The following IFI16 variants were observed in gnomAD, a reference collection of about 807,000 sequenced individuals.
IFI16 encodes the protein interferon gamma inducible protein 16, also known as gamma-interferon-inducible protein 16.
A neutral mutation model predicts 68.4 loss-of-function variants in IFI16; 49 were observed. The ratio of observed to expected loss-of-function variants is 0.72; its 90% CI spans 0.57 to 0.91. The LOEUF is 0.91. Ranked by LOEUF, IFI16 falls within the 40% of genes least tolerant of loss-of-function variation. The probability of loss-of-function intolerance (pLI) is 0.00; values close to 1 mark genes in which losing one functional copy is unlikely to be tolerated. For synonymous variants in IFI16, 307 were observed against 315.0 expected (o/e 0.97, Z 0.27); for missense variants, 878 against 942.9 (o/e 0.93, Z 0.90).
At chr1:159,019,258 T>TAAC (rs1553207127) in intron 5 of IFI16, among the ~76,000 whole-genome samples, 1,985 of 108,798 alleles carry the variant, frequency 0.018, 42 homozygotes, top group African/African-American at 0.11. Context: ...TATATATAAA[T>TAAC]AACAAAAAAA....
chr1:159,053,866 C>A, intron 11 of IFI16, 142 bp downstream of exon 11: 1 of 526,174 alleles, frequency 1.9e-6, no homozygotes. Flanking sequence ...TGTAAACTTC[C>A]CACCATTGTT....
intron 7 of IFI16, among the ~76,000 whole-genome samples, chr1:159,036,466 T>C (rs1302746504): frequency 6.6e-6 from 1 of 152,230 alleles, no homozygotes; most frequent in Non-Finnish European, 1.5e-5. Flanking sequence ...TTACTCAAGC[T>C]GATAATGATT....
At chr1:159,040,779 C>T (rs1327762950) in intron 7 of IFI16, among the ~76,000 whole-genome samples, 1 of 152,126 alleles carries the variant, frequency 6.6e-6, no homozygotes, top group Admixed American at 6.5e-5. Flanking sequence ...AACTTATTAG[C>T]TATGTATATT....
At chr1:159,035,733 A>G (rs1476691856) in intron 7 of IFI16, among the ~76,000 whole-genome samples, 2 of 136,584 alleles carry the variant, frequency 1.5e-5, no homozygotes, top group African/African-American at 5.5e-5. Flanking sequence ...GATTTAAAAC[A>G]AACAGGCTAT....
chr1:159,034,713 A>AGTTGG (rs1557874477), intron 7 of IFI16, among the ~76,000 whole-genome samples: 59 of 152,224 alleles, frequency 3.9e-4, no homozygotes, highest in African/African-American at 1.4e-3. Flanking sequence ...AGATCCTCCC[A>AGTTGG]TAGTTGGTTC....
At chr1:159,010,796 G>A (rs1652501824) in intron 1 of IFI16, among the ~76,000 whole-genome samples, 1 of 152,140 alleles carries the variant, frequency 6.6e-6, no homozygotes, top group East Asian at 1.9e-4. Flanking sequence ...CTGCCCTCCT[G>A]AAAGTTAATG....
chr1:159,023,260 A>T (rs967845787), intron 6 of IFI16, among the ~76,000 whole-genome samples: 1 of 152,206 alleles, frequency 6.6e-6, no homozygotes, highest in South Asian at 2.1e-4. Flanking sequence ...TATTAGGAAT[A>T]AAGGTATAAC....
Position 159,018,629 on chromosome 1 carries a change from A to G in IFI16, c.950A>G (p.Tyr317Cys). Residue 317 changes from tyrosine to cysteine, a missense_variant, in exon 5 of 12, where the codon TAT becomes TGT. Coordinates refer to ENST00000295809, the MANE Select transcript of IFI16 (RefSeq NM_001376587.1). ...LHKQASGNIV[Y>C]GVFMLHKKTV... The stretch of plus-strand genomic sequence containing the variant: ...AAACAAGCTTCAGGAAATATTGTAT[A>G]TGGGGTATTTATGCTACATAAGGTA... 1 of 1,611,070 alleles carries G rather than the reference A, an allele frequency of 6.2e-7. No individual in the cohort carries two copies. Among genetic ancestry groups the G allele is most frequent in the Admixed American group, 1.7e-5 (1 of 59,456 alleles).
chr1:159,036,178 G>A (rs1455555532), intron 7 of IFI16, among the ~76,000 whole-genome samples: 3 of 152,156 alleles, frequency 2.0e-5, no homozygotes, highest in Non-Finnish European at 4.4e-5. Context: ...CTAGGTGCTG[G>A]TTTTAAAACC....
At chr1:158,999,987 G>T (rs938132603) in exon 1 of IFI16, 3 of 152,778 alleles carry the variant, frequency 2.0e-5, no homozygotes, top group Middle Eastern at 2.7e-3. Flanking sequence ...TGCATTCCCA[G>T]AAATGCCATG....
chr1:159,050,998 T>A (rs572528184), intron 9 of IFI16, among the ~76,000 whole-genome samples: 1 of 152,200 alleles, frequency 6.6e-6, no homozygotes, highest in Admixed American at 6.5e-5. Flanking sequence ...AAATCTAAGG[T>A]TTGTGGTTGA....
rs181499768 is a variant in IFI16, at chr1:159,026,024, G to A, written c.1161+5495G>A. Among the ~76,000 whole-genome samples, 25 of 152,208 alleles carry A rather than the reference G, an allele frequency of 1.6e-4. No homozygotes were observed. In the East Asian group the frequency reaches 4.8e-3, roughly 29 times the overall value. Reference sequence around the variant, plus strand: ...TTGGGTTCTCTATTCTGTTCCATTGGTCTATATGCCTATTTTTATACCCAG... The same window carrying A: ...TTGGGTTCTCTATTCTGTTCCATTGATCTATATGCCTATTTTTATACCCAG... On this transcript the variant is annotated intron_variant, in intron 6 of 11. Transcript: ENST00000295809.
At chr1:159,042,439 T>C (rs572950034) in intron 7 of IFI16, among the ~76,000 whole-genome samples, 4 of 152,334 alleles carry the variant, frequency 2.6e-5, no homozygotes, top group African/African-American at 9.6e-5. Flanking sequence ...TTTGCGATCC[T>C]TTCTCCTTTG....
At chr1:159,050,705 T>C (rs1464267274) in intron 9 of IFI16, among the ~76,000 whole-genome samples, 2 of 152,060 alleles carry the variant, frequency 1.3e-5, no homozygotes, top group Non-Finnish European at 2.9e-5. Context: ...AGTGCTCTCC[T>C]ACAACTCAGA....
chr1:159,053,565 A>AG lies in IFI16; in HGVS notation c.2118_2119insG (p.Ile707AspfsTer4), dbSNP rs753270713. 1.2e-6 allele frequency: 2 copies of AG among 1,610,218 alleles called. No individual in the cohort carries two copies. Among genetic ancestry groups the AG allele is most frequent in the Non-Finnish European group, 1.7e-6 (2 of 1,177,692 alleles). Reference sequence around the variant, plus strand: ...TAAGGGGTGAATTCACTTATTATGAAATACAAGATAATACAGGGAAGATGG... The same window carrying AG: ...TAAGGGGTGAATTCACTTATTATGAAGATACAAGATAATACAGGGAAGATGG... On this transcript the variant is annotated frameshift_variant, in exon 11 of 12. Transcript: ENST00000295809. LOFTEE classifies it high-confidence loss of function.
At chr1:159,039,867 A>G (rs1341661166) in intron 7 of IFI16, among the ~76,000 whole-genome samples, 2 of 152,188 alleles carry the variant, frequency 1.3e-5, no homozygotes, top group African/African-American at 4.8e-5. Context: ...TCTTAGCCAA[A>G]TCACTAGCTT....
At chr1:159,019,428 G>A (rs917002981) in intron 5 of IFI16, among the ~76,000 whole-genome samples, 1 of 151,336 alleles carries the variant, frequency 6.6e-6, no homozygotes, top group African/African-American at 2.4e-5. Context: ...TTGTTTCCTA[G>A]AACAACTCAT....
At chr1:159,054,366 GACATATTCAGGCAC>G (rs1320871491) in intron 11 of IFI16, among the ~76,000 whole-genome samples, 2 of 152,166 alleles carry the variant, frequency 1.3e-5, no homozygotes, top group African/African-American at 4.8e-5. Flanking sequence ...AACAAAGGCT[GACATATTCAGGCAC>G]ACACATGCTC....
At chr1:159,054,250 T>A (rs1368475483) in intron 11 of IFI16, among the ~76,000 whole-genome samples, 1 of 152,240 alleles carries the variant, frequency 6.6e-6, no homozygotes, top group Non-Finnish European at 1.5e-5. Flanking sequence ...CAGAGGTAGC[T>A]GGGTCTACAT....
Sources: allele counts gnomAD v4.1 joint callset (sites outside exome capture counted in the v4.1 genomes callset), GRCh38; gene constraint gnomAD v4.1.1; transcripts MANE v1.5; gene names NCBI Gene and HGNC (gene_info 2026-07-23, HGNC 2026-07-21).